The following TNRC6C variants were observed in gnomAD, a reference collection of about 807,000 sequenced individuals.
The protein encoded by TNRC6C is trinucleotide repeat containing adaptor 6C, also known as trinucleotide repeat-containing gene 6C protein.
TNRC6C carries 20 observed loss-of-function variants against 153.7 expected under a neutral mutation model. The ratio of observed to expected loss-of-function variants is 0.13; its 90% CI spans 0.09 to 0.19. The LOEUF (loss-of-function observed/expected upper bound fraction) is 0.19, where lower values mean the gene tolerates loss of function less well. Among genes scored for constraint, TNRC6C ranks in the 10% least tolerant of loss-of-function variants. TNRC6C has a pLI of 1.00. For synonymous variants in TNRC6C, 811 were observed against 841.4 expected (o/e 0.96, Z 0.63); for missense variants, 1,987 against 2,172.0 (o/e 0.91, Z 1.69).
chr17:78,028,187 C>A (rs1047639214), intron 1 of TNRC6C, among the ~76,000 whole-genome samples: 17 of 152,092 alleles, frequency 1.1e-4, no homozygotes, highest in African/African-American at 4.1e-4. Flanking sequence ...GAGCCATCGC[C>A]CCCCGCTGAA....
chr17:78,053,001 A>G (rs552444165), intron 3 of TNRC6C, among the ~76,000 whole-genome samples: 4 of 152,302 alleles, frequency 2.6e-5, no homozygotes, highest in South Asian at 4.1e-4. Context: ...GGAAACCTGA[A>G]AAGTCTGACA....
intron 1 of TNRC6C, among the ~76,000 whole-genome samples, chr17:77,973,595 GGAAT>G (rs2070959441): frequency 6.6e-6 from 1 of 152,166 alleles, no homozygotes; most frequent in Admixed American, 6.5e-5. Flanking sequence ...AAAATCCTTA[GGAAT>G]CCACAAGAAA....
intron 16 of TNRC6C, among the ~76,000 whole-genome samples, chr17:78,094,975 G>T (rs562468069): frequency 2.6e-5 from 4 of 152,326 alleles, no homozygotes; most frequent in African/African-American, 9.6e-5. Context: ...GACAGGTGAG[G>T]CGCCAGCCAG....
upstream of TNRC6C, among the ~76,000 whole-genome samples, chr17:77,958,431 T>A (rs568302021): frequency 6.6e-5 from 10 of 150,380 alleles, no homozygotes; most frequent in Admixed American, 3.3e-4. Context: ...CCCGGCGCGC[T>A]CCCCGCGCGG....
intron 3 of TNRC6C, among the ~76,000 whole-genome samples, chr17:78,061,125 G>A (rs1178278004): frequency 6.6e-6 from 1 of 152,162 alleles, no homozygotes. Flanking sequence ...GAAATTGAAG[G>A]GAGGTAACGA....
At chr17:78,076,964 G>A (rs896551358) in intron 8 of TNRC6C, among the ~76,000 whole-genome samples, 2 of 152,210 alleles carry the variant, frequency 1.3e-5, no homozygotes, top group Non-Finnish European at 2.9e-5. Context: ...GCTAATATAT[G>A]TGTTTGTAAA....
At chr17:77,964,056 G>A (rs2070880100) in intron 1 of TNRC6C, among the ~76,000 whole-genome samples, 1 of 152,284 alleles carries the variant, frequency 6.6e-6, no homozygotes, top group South Asian at 2.1e-4. Context: ...GGCCCAAAGA[G>A]TCATCTGGAA....
exon 1 of TNRC6C, chr17:78,005,064 G>A (rs1311870051): frequency 9.0e-6 from 11 of 1,220,170 alleles, no homozygotes; most frequent in Non-Finnish European, 1.1e-5. Context: ...TCAGGCTGCT[G>A]ATCAAAAAAC....
Position 78,093,305 on chromosome 17 carries a change from T to A in TNRC6C, c.4162+181T>A, listed in dbSNP as rs117974169. On this transcript the variant is annotated intron_variant, in intron 15 of 19. Coordinates refer to ENST00000301624, the Ensembl canonical transcript of TNRC6C. ...AGATCAATTTTGGGTATGGTTAGCA[T>A]CAGGCATTTTTCTGTAAACCCTTAG... The A allele has an allele frequency of 6.3e-4, 488 of 769,742 alleles. 3 individuals are homozygous for A. The East Asian group carries it at 0.012, about 19-fold the overall frequency. 47.7% of individuals were successfully genotyped at this position (769,742 alleles called of 1,614,324 possible).
chr17:78,020,464 T>C (rs960057411), intron 1 of TNRC6C, among the ~76,000 whole-genome samples: 1 of 152,244 alleles, frequency 6.6e-6, no homozygotes, highest in Admixed American at 6.5e-5. Context: ...ACTTGTAGTT[T>C]CTCAATCTCT....
chr17:78,036,484 GATAAA>G (rs1259177321), intron 2 of TNRC6C, among the ~76,000 whole-genome samples: 1 of 152,116 alleles, frequency 6.6e-6, no homozygotes, highest in Non-Finnish European at 1.5e-5. Context: ...AGGATTTACA[GATAAA>G]ATTAAACAAT....
At chr17:78,070,918 C>A (rs947088723) in intron 5 of TNRC6C, among the ~76,000 whole-genome samples, 167 bp from the exon 8 acceptor site, 2 of 152,156 alleles carry the variant, frequency 1.3e-5, no homozygotes, top group Non-Finnish European at 2.9e-5. Context: ...GTAGCAGTAG[C>A]CACGAAATAC....
intron 6 of TNRC6C, 61 bp downstream of exon 8, chr17:78,071,226 G>T (rs948615510): frequency 4.6e-5 from 69 of 1,489,724 alleles, no homozygotes; most frequent in Non-Finnish European, 6.0e-5. Flanking sequence ...TGCCCTCATT[G>T]TTTCCTCTCC....
At chr17:78,023,290 C>CT (rs1287662909) in intron 1 of TNRC6C, among the ~76,000 whole-genome samples, 1 of 152,166 alleles carries the variant, frequency 6.6e-6, no homozygotes, top group African/African-American at 2.4e-5. Flanking sequence ...GATGACTGTA[C>CT]TTTGACTTTT....
intron 2 of TNRC6C, 97 bp from the exon 5 acceptor site, chr17:78,048,748 A>C: frequency 1.8e-6 from 2 of 1,137,884 alleles, no homozygotes; most frequent in Non-Finnish European, 2.2e-6. Flanking sequence ...AGATTTGAAG[A>C]CTTGAAATAA....
Position 78,092,207 on chromosome 17 carries a change from G to C in TNRC6C, c.3970+600G>C, listed in dbSNP as rs528363389. Among the ~76,000 whole-genome samples the C allele has an allele frequency of 2.0e-5, 3 of 152,310 alleles. No homozygotes were observed. The East Asian group carries it at 5.8e-4, about 29-fold the overall frequency. On this transcript the variant is annotated intron_variant, in intron 14 of 19. Transcript: ENST00000301624. ...CAGCAAAGGAAATTCAGTAGGTTAC[G>C]TAGTTCTCTCTTGATAGGAAGCATT...
chr17:78,064,834 G>A (rs768300599), exon 4 of TNRC6C: 14 of 1,613,664 alleles, frequency 8.7e-6, no homozygotes, highest in Middle Eastern at 1.7e-4. Flanking sequence ...CATGGGGGAA[G>A]CCACCCAGCA....
exon 2 of TNRC6C, chr17:78,031,645 C>T (rs2072076493): frequency 1.6e-6 from 2 of 1,232,366 alleles, no homozygotes; most frequent in African/African-American, 3.1e-5. Flanking sequence ...CAGCCAGCTG[C>T]ATCCCGTTAC....
chr17:78,089,815 G>A (rs777510825), intron 13 of TNRC6C, among the ~76,000 whole-genome samples: 1 of 152,134 alleles, frequency 6.6e-6, no homozygotes, highest in Non-Finnish European at 1.5e-5. Context: ...AAATAAAGAG[G>A]AAGCCTTTCC....
Sources: gnomAD v4.1 joint callset for allele counts (sites outside exome capture counted in the v4.1 genomes callset) on GRCh38, gnomAD v4.1.1 for gene constraint, MANE v1.5 for transcripts, NCBI Gene and HGNC (gene_info 2026-07-23, HGNC 2026-07-21) for gene names.